The following ARSJ variants were observed in gnomAD, a reference collection of about 807,000 sequenced individuals.
ARSJ encodes arylsulfatase family member J.
Under a neutral mutation model 35.9 loss-of-function variants are expected in ARSJ, and 26 were observed. The observed-to-expected ratio is 0.72, with a 90% CI of 0.53 to 1.00. The LOEUF (loss-of-function observed/expected upper bound fraction) is 1.00, where lower values mean the gene tolerates loss of function less well. Among genes scored for constraint, ARSJ ranks in the 50% least tolerant of loss-of-function variants. The pLI is 0.00. For synonymous variants in ARSJ, 294 were observed against 267.6 expected (o/e 1.10, Z -0.96); for missense variants, 667 against 723.6 (o/e 0.92, Z 0.90).
intron 1 of ARSJ, among the ~76,000 whole-genome samples, chr4:113,963,180 G>T (rs1210979465): frequency 6.6e-6 from 1 of 151,660 alleles, no homozygotes; most frequent in African/African-American, 2.4e-5. Context: ...TTTCTTATTT[G>T]TGTCTTCTTG....
At chr4:113,927,289 T>G (rs112671269) in intron 1 of ARSJ, among the ~76,000 whole-genome samples, 24,890 of 152,186 alleles carry the variant, frequency 0.16, 2,472 homozygotes, top group Middle Eastern at 0.31. Context: ...GAAATTTTAC[T>G]GAGGTAGAAG....
intron 1 of ARSJ, among the ~76,000 whole-genome samples, chr4:113,952,973 A>C (rs1725954368): frequency 1.3e-5 from 2 of 152,130 alleles, no homozygotes; most frequent in Admixed American, 1.3e-4. Context: ...TCAATTCAGC[A>C]ATAATCGTTA....
intron 1 of ARSJ, among the ~76,000 whole-genome samples, chr4:113,916,069 A>G (rs763380571): frequency 3.9e-5 from 6 of 152,204 alleles, no homozygotes; most frequent in African/African-American, 1.4e-4. Flanking sequence ...CCATAGCCCA[A>G]TGTCTCACAG....
chr4:113,956,902 G>A (rs1315956388), intron 1 of ARSJ, among the ~76,000 whole-genome samples: 1 of 152,000 alleles, frequency 6.6e-6, no homozygotes, highest in Non-Finnish European at 1.5e-5. Context: ...AACAGCCTAT[G>A]CTTTTCAGGC....
At chr4:113,961,881 G>C (rs1726558263) in intron 1 of ARSJ, among the ~76,000 whole-genome samples, 1 of 147,034 alleles carries the variant, frequency 6.8e-6, no homozygotes, top group African/African-American at 2.6e-5. Context: ...GCCTGTGTTT[G>C]TCTCTCTCTC....
intron 1 of ARSJ, among the ~76,000 whole-genome samples, chr4:113,910,422 T>C (rs769027767): frequency 3.3e-5 from 5 of 152,120 alleles, no homozygotes; most frequent in Non-Finnish European, 7.4e-5. Context: ...TCCAGAATGG[T>C]TAGCGAGTAA....
rs1414314989 is a variant in ARSJ at position 113,978,723 on chromosome 4, G to C, written c.112C>G (p.Leu38Val). 1.9e-6 allele frequency: 3 copies of C among 1,614,100 alleles called. No individual in the cohort carries two copies. The highest frequency in any genetic ancestry group is 2.5e-6 in the Non-Finnish European group (3 of 1,180,050). Reference protein sequence around the residue: ...GALAGFWILCLLTYGYLSWGQ... With the variant: ...GALAGFWILCVLTYGYLSWGQ... ...CAGGACAGGTAACCATAAGTGAGGA[G>C]GCAGAGGATCCAGAATCCTGCCAGC... The change falls in exon 1 of 2, where the codon CTC becomes GTC. Residue 38 changes from leucine to valine, a missense_variant. Coordinates refer to ENST00000315366, the MANE Select transcript of ARSJ (RefSeq NM_024590.4).
At chr4:113,926,809 C>A (rs1207126908) in intron 1 of ARSJ, among the ~76,000 whole-genome samples, 1 of 152,124 alleles carries the variant, frequency 6.6e-6, no homozygotes, top group Non-Finnish European at 1.5e-5. Flanking sequence ...TCCACCAAAG[C>A]CCAGTAACAG....
chr4:113,937,191 G>A, intron 1 of ARSJ, among the ~76,000 whole-genome samples: 1 of 151,822 alleles, frequency 6.6e-6, no homozygotes. Context: ...GATTCTCAGT[G>A]CTCACACATT....
intron 1 of ARSJ, among the ~76,000 whole-genome samples, chr4:113,927,618 G>A (rs899683217): frequency 6.6e-6 from 1 of 152,164 alleles, no homozygotes; most frequent in Non-Finnish European, 1.5e-5. Flanking sequence ...CCAAGTCAGT[G>A]GCTGCATACC....
intron 1 of ARSJ, among the ~76,000 whole-genome samples, chr4:113,929,050 A>C (rs1724260044): frequency 6.6e-6 from 1 of 152,164 alleles, no homozygotes; most frequent in Non-Finnish European, 1.5e-5. Context: ...CATTAAAAGC[A>C]GAGTCCCTAC....
At chr4:113,919,890 A>T (rs1301687286) in intron 1 of ARSJ, among the ~76,000 whole-genome samples, 1 of 152,080 alleles carries the variant, frequency 6.6e-6, no homozygotes. Context: ...GTGTTGAAGC[A>T]GTTTTGTACC....
At chr4:113,968,638 T>C (rs1012851718) in intron 1 of ARSJ, among the ~76,000 whole-genome samples, 5 of 152,322 alleles carry the variant, frequency 3.3e-5, no homozygotes, top group African/African-American at 1.2e-4. Flanking sequence ...ACTCTGGCAG[T>C]GATAATCCAA....
rs913800972 is a variant in ARSJ, at chr4:113,979,001, G to A, written c.-167C>T. The A allele has an allele frequency of 9.1e-6, 6 of 656,288 alleles. No homozygotes were observed. The highest frequency in any genetic ancestry group is 2.8e-5 in the East Asian group (1 of 35,364). The allele number at this position is 656,288 out of a possible 1,614,324, so 40.7% of individuals were successfully genotyped here. On this transcript the variant is annotated 5_prime_UTR_variant, in exon 1 of 2. Transcript: ENST00000315366. ...CAACTTTAATCTTCCAGAAGTGATG[G>A]CTTAATGGATGGGACTCCGGAAGAA...
chr4:113,955,220 G>C (rs1297014032), intron 1 of ARSJ, among the ~76,000 whole-genome samples: 1 of 151,886 alleles, frequency 6.6e-6, no homozygotes, highest in Non-Finnish European at 1.5e-5. Context: ...TAGATCCAAT[G>C]GCACTGCCAT....
intron 1 of ARSJ, among the ~76,000 whole-genome samples, chr4:113,972,317 A>AC (rs1562379437): frequency 1.3e-5 from 2 of 149,112 alleles, no homozygotes; most frequent in East Asian, 2.1e-4. Context: ...CAAAAAAAAA[A>AC]ACCCCACCAT....
rs183412061 is a variant in ARSJ, at chr4:113,934,028, A to G, written c.399-30353T>C. On this transcript the variant is annotated intron_variant, in intron 1 of 1. Coordinates refer to ENST00000315366, the MANE Select transcript of ARSJ (RefSeq NM_024590.4). ...CAAAAAACTGTTAGAATTGATGAAG[A>G]AATTTAGTAAAGTTGCAGGACACGA... Among the ~76,000 whole-genome samples the G allele has an allele frequency of 5.1e-4, 78 of 151,944 alleles. 1 individual carries two copies. The highest frequency in any genetic ancestry group is 1.6e-3 in the African/African-American group (65 of 41,536).
At chr4:113,916,010 ACT>A (rs1336251858) in intron 1 of ARSJ, among the ~76,000 whole-genome samples, 1 of 152,036 alleles carries the variant, frequency 6.6e-6, no homozygotes, top group Non-Finnish European at 1.5e-5. Context: ...CTCTCTAGCA[ACT>A]CTCTTATTTT....
chr4:113,916,477 T>C (rs1359427453), intron 1 of ARSJ, among the ~76,000 whole-genome samples: 1 of 152,166 alleles, frequency 6.6e-6, no homozygotes, highest in Non-Finnish European at 1.5e-5. Context: ...TTGCAAATTG[T>C]AAAATTTTAT....
Sources: allele counts gnomAD v4.1 joint callset (sites outside exome capture counted in the v4.1 genomes callset), GRCh38; gene constraint gnomAD v4.1.1; transcripts MANE v1.5; gene names NCBI Gene and HGNC (gene_info 2026-07-23, HGNC 2026-07-21).